Variants in TRIM67 observed in about 807,000 individuals in gnomAD.
TRIM67 encodes tripartite motif containing 67, also known as tripartite motif-containing protein 67.
Under a neutral mutation model 71.0 loss-of-function variants are expected in TRIM67, and 39 were observed. The observed-to-expected ratio is 0.55, with a 90% CI of 0.43 to 0.72. The LOEUF (loss-of-function observed/expected upper bound fraction) is 0.72, where lower values mean the gene tolerates loss of function less well. Ranked by LOEUF, TRIM67 falls within the 30% of genes least tolerant of loss-of-function variation. The pLI is 0.00. For synonymous variants in TRIM67, 481 were observed against 473.9 expected (o/e 1.01, Z -0.19); for missense variants, 973 against 1,079.2 (o/e 0.90, Z 1.38).
intron 8 of TRIM67, 48 bp from the exon 9 acceptor site, chr1:231,213,767 A>G: frequency 6.6e-7 from 1 of 1,525,082 alleles, no homozygotes; most frequent in Non-Finnish European, 8.8e-7. Context: ...TATCACCTAC[A>G]TCCCAGGCTG....
Position 231,199,085 on chromosome 1 carries a change from G to A in TRIM67, c.1179G>A (p.Gln393=). ...ACTACGAAGCCTGCCTCGTTGCTCA[G>A]TGTGATGCCCTTGTGGATGCTTTAA... The part of the protein sequence containing the change: ...GLDYEACLVA[Q]CDALVDALTR... The change falls in exon 3 of 10, where the codon CAG becomes CAA. Residue 393 remains glutamine (Q), a synonymous_variant. Transcript: ENST00000366653. The A allele has an allele frequency of 6.2e-7, 1 of 1,614,018 alleles. No homozygotes were observed. The highest frequency in any genetic ancestry group is 8.5e-7 in the Non-Finnish European group (1 of 1,179,894).
At position 231,163,515 on chromosome 1, in the gene TRIM67, C is replaced by G; in HGVS notation, c.546C>G (p.Leu182=). ...GLRGFQRNRL[L]EAIVQRYQQG... ...GCGGCTTCCAGCGCAACCGGCTGCT[C>G]GAGGCCATCGTGCAGCGGTACCAGC... The change falls in exon 1 of 10, where the codon CTC becomes CTG. Residue 182 remains leucine, a synonymous_variant. Coordinates refer to ENST00000366653, the MANE Select transcript of TRIM67 (RefSeq NM_001004342.5). 1.3e-6 allele frequency: 2 copies of G among 1,517,204 alleles called. No individual in the cohort carries two copies. Among genetic ancestry groups the G allele is most frequent in the Non-Finnish European group, 8.8e-7 (1 of 1,138,526 alleles). 94.0% of individuals were successfully genotyped at this position (1,517,204 alleles called of 1,614,324 possible).
intron 1 of TRIM67, among the ~76,000 whole-genome samples, chr1:231,186,783 G>T (rs954326562): frequency 6.6e-6 from 1 of 152,112 alleles, no homozygotes; most frequent in Non-Finnish European, 1.5e-5. Context: ...CCCTGAGGCT[G>T]GTCCAGGATA....
rs1683997498 is a variant in TRIM67 at position 231,215,697 on chromosome 1, T to A, written c.*257T>A. The A allele has an allele frequency of 8.1e-7, 1 of 1,235,582 alleles. No homozygotes were observed. The highest frequency in any genetic ancestry group is 1.0e-6 in the Non-Finnish European group (1 of 988,742). 76.5% of individuals were successfully genotyped at this position (1,235,582 alleles called of 1,614,324 possible). On this transcript the variant is annotated 3_prime_UTR_variant, in exon 10 of 10. Coordinates refer to ENST00000366653, the MANE Select transcript of TRIM67 (RefSeq NM_001004342.5). ...TATTCCACCCAGACATTACGAACACTCCCCAAGAAGGACCTTTCTCAAGGG... is the reference window on the plus strand; with the variant it reads ...TATTCCACCCAGACATTACGAACACACCCCAAGAAGGACCTTTCTCAAGGG...
chr1:231,163,746 G>GCCC lies in TRIM67; in HGVS notation c.778_780dup (p.Pro260dup). ...TGCAGCCGCCGCCGCCGCCGCCGCCGCCCGCCGAGGCAGCCTCCGGGCCCA... is the reference window on the plus strand; with the variant it reads ...TGCAGCCGCCGCCGCCGCCGCCGCCGCCCCCCGCCGAGGCAGCCTCCGGGCCCA... On this transcript the variant is annotated inframe_insertion, in exon 1 of 10. Coordinates refer to ENST00000366653, the MANE Select transcript of TRIM67 (RefSeq NM_001004342.5). 1 of 1,491,282 alleles carries GCCC rather than the reference G, an allele frequency of 6.7e-7. No homozygotes were observed. Among genetic ancestry groups the GCCC allele is most frequent in the Non-Finnish European group, 8.9e-7 (1 of 1,120,984 alleles). The allele number at this position is 1,491,282 out of a possible 1,614,324, so 92.4% of individuals were successfully genotyped here. A position where few individuals can be genotyped will look rare whatever the true frequency, so the allele number is the denominator to read the frequency against.
intron 6 of TRIM67, 48 bp downstream of exon 6, chr1:231,204,060 A>G (rs1246096188): frequency 1.2e-6 from 2 of 1,606,278 alleles, no homozygotes; most frequent in Non-Finnish European, 1.7e-6. Context: ...ACCAATGCAG[A>G]GGCAGGAGTG....
rs1461170980 is a variant in TRIM67, at chr1:231,218,673, A to T, written c.*3233A>T. On this transcript the variant is annotated 3_prime_UTR_variant, in exon 10 of 10. Transcript: ENST00000366653. ...CTGACCCACAAGGTAACTGACCTAA[A>T]CACTATAAAACTGTATATATTTCCA... The T allele has an allele frequency of 4.1e-6, 4 of 985,320 alleles. No individual in the cohort carries two copies. Among genetic ancestry groups the T allele is most frequent in the Non-Finnish European group, 4.8e-6 (4 of 829,940 alleles). The allele number at this position is 985,320 out of a possible 1,614,324, so 61.0% of individuals were successfully genotyped here.
chr1:231,163,418 T>G lies in TRIM67; in HGVS notation c.449T>G (p.Leu150Arg). ...AAARGAACSS[L>R]SSSSSSITCP... ...GCTCGGGGTGCCGCCTGCTCCTCGC[T>G]GTCCTCGTCTTCGAGCTCCATCACG... Residue 150 changes from leucine to arginine, a missense_variant, in exon 1 of 10, where the codon CTG (leucine) becomes CGG (arginine). By Grantham distance (102) the Leu-to-Arg change is moderately radical (BLOSUM62 -2). This residue lies in a region of TRIM67 where 795 missense variants were observed against 831.3 expected (regional missense o/e 0.96). Coordinates refer to ENST00000366653, the MANE Select transcript of TRIM67 (RefSeq NM_001004342.5). 6.5e-7 allele frequency: 1 copy of G among 1,538,660 alleles called. No homozygotes were observed.
At chr1:231,207,642 G>T (rs566084830) in intron 7 of TRIM67, among the ~76,000 whole-genome samples, 17 of 152,294 alleles carry the variant, frequency 1.1e-4, no homozygotes, top group Non-Finnish European at 8.8e-5. Flanking sequence ...TCTCCTAGAG[G>T]CAGGGAGGAG....
chr1:231,214,905 G>A (rs183217644), intron 9 of TRIM67, among the ~76,000 whole-genome samples: 3 of 152,114 alleles, frequency 2.0e-5, no homozygotes, highest in East Asian at 1.9e-4. Flanking sequence ...TTTGAGACCA[G>A]CCTGGGGAAT....
In TRIM67 at chr1:231,219,980, G is replaced by T; in HGVS notation, c.*4540G>T. The T allele has an allele frequency of 7.8e-7, 1 of 1,287,170 alleles. No individual in the cohort carries two copies. Among genetic ancestry groups the T allele is most frequent in the Non-Finnish European group, 1.0e-6 (1 of 986,492 alleles). 79.7% of individuals were successfully genotyped at this position (1,287,170 alleles called of 1,614,324 possible). A position where few individuals can be genotyped will look rare whatever the true frequency, so the allele number is the denominator to read the frequency against. On this transcript the variant is annotated 3_prime_UTR_variant, in exon 10 of 10. Transcript: ENST00000366653. ...TGGCTTTAATAGTGATTCATGGTAT[G>T]AGTGGGGGCCAATCTCTTATCCTTT... is the stretch of plus-strand genomic sequence containing the variant.
intron 1 of TRIM67, among the ~76,000 whole-genome samples, chr1:231,171,660 T>C (rs1682622355): frequency 6.6e-6 from 1 of 152,164 alleles, no homozygotes; most frequent in Non-Finnish European, 1.5e-5. Context: ...GATGTGAAAC[T>C]GAGGGTTTCA....
At chr1:231,180,157 T>G (rs1682860868) in intron 1 of TRIM67, among the ~76,000 whole-genome samples, 1 of 152,190 alleles carries the variant, frequency 6.6e-6, no homozygotes, top group Non-Finnish European at 1.5e-5. Flanking sequence ...ATCTTAGAGT[T>G]TATCCTATGT....
At chr1:231,202,208 A>AAT (rs1683565800) in intron 5 of TRIM67, among the ~76,000 whole-genome samples, 2 of 147,276 alleles carry the variant, frequency 1.4e-5, no homozygotes, top group African/African-American at 5.0e-5. Context: ...TGGCTGAGAT[A>AAT]GTGGAGGAGG....
At chr1:231,215,306 T>C (rs1476488353) in intron 9 of TRIM67, 69 bp from the exon 10 acceptor site, 2 of 1,561,176 alleles carry the variant, frequency 1.3e-6, no homozygotes, top group African/African-American at 2.7e-5. Flanking sequence ...GTGTCTGCGG[T>C]GCTGTCAGAG....
Position 231,218,711 on chromosome 1 carries a change from A to G in TRIM67, c.*3271A>G, listed in dbSNP as rs1169069121. ...GTATATATTTCCAGGCTGCATCTTC[A>G]GCCTGATATGTACTTTGTAGTTGCA... On this transcript the variant is annotated 3_prime_UTR_variant, in exon 10 of 10. Transcript: ENST00000366653. The G allele has an allele frequency of 6.5e-5, 64 of 985,298 alleles. No individual in the cohort carries two copies. Among genetic ancestry groups the G allele is most frequent in the Non-Finnish European group, 7.3e-5 (61 of 829,942 alleles). The allele number at this position is 985,298 out of a possible 1,614,324, so 61.0% of individuals were successfully genotyped here.
At chr1:231,213,202 A>G (rs1683920663) in intron 8 of TRIM67, among the ~76,000 whole-genome samples, 1 of 152,158 alleles carries the variant, frequency 6.6e-6, no homozygotes, top group Non-Finnish European at 1.5e-5. Flanking sequence ...TCCATGCTCC[A>G]CAGTTTCAAA....
At chr1:231,193,291 C>G (rs184858917) in intron 1 of TRIM67, among the ~76,000 whole-genome samples, 125 of 152,340 alleles carry the variant, frequency 8.2e-4, no homozygotes, top group Non-Finnish European at 1.4e-3. Flanking sequence ...GACAAAGTCT[C>G]TCCACTGAGG....
chr1:231,183,482 A>G (rs1682965018), intron 1 of TRIM67, among the ~76,000 whole-genome samples: 1 of 152,134 alleles, frequency 6.6e-6, no homozygotes, highest in Non-Finnish European at 1.5e-5. Context: ...GCATGGTGGC[A>G]CGTGCCCAAC....
Sources: allele counts gnomAD v4.1 joint callset (sites outside exome capture counted in the v4.1 genomes callset), GRCh38; gene constraint gnomAD v4.1.1; regional missense constraint gnomAD v4.1.1; transcripts MANE v1.5; gene names NCBI Gene and HGNC (gene_info 2026-07-23, HGNC 2026-07-21).